Variants in CYYR1 observed in about 807,000 individuals in gnomAD.
CYYR1 encodes the protein cysteine and tyrosine-rich protein 1.
In CYYR1, 14 loss-of-function variants were observed where a neutral mutation model predicts 15.2. The ratio of observed to expected loss-of-function variants is 0.92; its 90% CI spans 0.61 to 1.44. CYYR1 has a LOEUF of 1.44. Among genes scored for constraint, CYYR1 ranks in the 40% most tolerant of loss-of-function variants. CYYR1 has a pLI of 0.00. For missense variants in CYYR1, 228 were observed against 209.5 expected, an observed-to-expected ratio of 1.09 and a Z score of -0.54; for synonymous variants, 80 against 77.4, an observed-to-expected ratio of 1.03 and a Z score of -0.18.
chr21:26,472,597 G>T (rs2065049657), intron 3 of CYYR1, among the ~76,000 whole-genome samples: 1 of 151,962 alleles, frequency 6.6e-6, no homozygotes, highest in South Asian at 2.1e-4. Flanking sequence ...CATATTGAGT[G>T]AATTTTTTGT....
At chr21:26,477,625 G>T in intron 3 of CYYR1, 1 of 624,116 alleles carries the variant, frequency 1.6e-6, no homozygotes, top group Non-Finnish European at 2.0e-6. Context: ...CTTACAGAAG[G>T]ATAAAATAAA....
Position 26,480,415 on chromosome 21 carries a change from G to A in CYYR1, c.191C>T (p.Ala64Val), listed in dbSNP as rs150622120. The change falls in exon 3 of 4, where the codon GCG becomes GTG. Residue 64 changes from alanine (A) to valine (V), a missense_variant. Coordinates refer to ENST00000652641, the MANE Select transcript of CYYR1 (RefSeq NM_001320768.2). The part of the protein sequence containing the change: ...IGNILSGTAI[A>V]GIVFGIVFIM... ...AAATACTATTCCAAAAACAATGCCCGCAATTGCAGTGCCCCTAAAAGGAAA... is the reference window on the plus strand; with the variant it reads ...AAATACTATTCCAAAAACAATGCCCACAATTGCAGTGCCCCTAAAAGGAAA... 1.4e-4 allele frequency: 224 copies of A among 1,610,482 alleles called. No homozygotes were observed. The highest frequency in any genetic ancestry group is 1.8e-4 in the Non-Finnish European group (216 of 1,178,698).
intron 2 of CYYR1, among the ~76,000 whole-genome samples, chr21:26,483,171 A>T (rs1246773767): frequency 6.6e-6 from 1 of 151,684 alleles, no homozygotes; most frequent in African/African-American, 2.4e-5. Context: ...CTTATTTTTA[A>T]TTTTCTGGTG....
intron 3 of CYYR1, among the ~76,000 whole-genome samples, chr21:26,468,958 T>C (rs2065001382): frequency 6.6e-6 from 1 of 151,730 alleles, no homozygotes; most frequent in South Asian, 2.1e-4. Flanking sequence ...CAAAAGTACA[T>C]GAAAGGGAGA....
At chr21:26,499,973 C>T (rs1222332482) in intron 2 of CYYR1, among the ~76,000 whole-genome samples, 1 of 151,938 alleles carries the variant, frequency 6.6e-6, no homozygotes, top group Non-Finnish European at 1.5e-5. Context: ...ACAAATACCA[C>T]AGGCTAGGTG....
rs71183563 is a variant in CYYR1 at position 26,567,008 on chromosome 21, C to CA, written c.74-641dup. ...TGGGCGACACAGTGAGGCTCTGTCT[C>CA]AAAAAAAAAAAAAAAAAAAAGAGTC... is the stretch of plus-strand genomic sequence containing the variant. On this transcript the variant is annotated intron_variant, in intron 1 of 3. Coordinates refer to ENST00000652641, the MANE Select transcript of CYYR1 (RefSeq NM_001320768.2). Among the ~76,000 whole-genome samples the CA allele has an allele frequency of 1.1e-3, 139 of 129,740 alleles. 1 individual carries two copies. The highest frequency in any genetic ancestry group is 6.1e-4 in the Admixed American group (8 of 13,062). The allele number at this position is 129,740 out of a possible 152,430, so 85.1% of individuals were successfully genotyped here.
In CYYR1 at chr21:26,572,944, A is replaced by G. The variant is rs1441590713; in HGVS notation, c.-4T>C. Reference sequence around the variant, plus strand: ...CGGGTAGCCTCGGAGCGTCCATCCAAGCCGGTGGCCTGAGGCTTGGAGCGA... The same window carrying G: ...CGGGTAGCCTCGGAGCGTCCATCCAGGCCGGTGGCCTGAGGCTTGGAGCGA... On this transcript the variant is annotated 5_prime_UTR_variant, in exon 1 of 4. Coordinates refer to ENST00000652641, the MANE Select transcript of CYYR1 (RefSeq NM_001320768.2). 2 of 1,613,666 alleles carry G rather than the reference A, an allele frequency of 1.2e-6. No individual in the cohort carries two copies. Among genetic ancestry groups the G allele is most frequent in the African/African-American group, 2.7e-5 (2 of 74,832 alleles).
intron 2 of CYYR1, among the ~76,000 whole-genome samples, chr21:26,523,657 T>C (rs1482102759): frequency 6.6e-6 from 1 of 152,196 alleles, no homozygotes; most frequent in Non-Finnish European, 1.5e-5. Flanking sequence ...TTTCCTGTCC[T>C]AAATCTTTGG....
intron 2 of CYYR1, among the ~76,000 whole-genome samples, chr21:26,485,031 A>G (rs1484579244): frequency 6.6e-6 from 1 of 152,112 alleles, no homozygotes; most frequent in Non-Finnish European, 1.5e-5. Flanking sequence ...ACAAATAGTA[A>G]CTTTCCTGCA....
At chr21:26,511,330 C>G (rs945547689) in intron 2 of CYYR1, among the ~76,000 whole-genome samples, 10 of 152,258 alleles carry the variant, frequency 6.6e-5, no homozygotes, top group African/African-American at 2.4e-4. Flanking sequence ...CCAGTTAGTA[C>G]TTGGGTAACC....
At chr21:26,470,394 T>C (rs2065019569) in intron 3 of CYYR1, among the ~76,000 whole-genome samples, 1 of 152,166 alleles carries the variant, frequency 6.6e-6, no homozygotes, top group African/African-American at 2.4e-5. Flanking sequence ...CCAAATGTCA[T>C]GCCATTTTGT....
intron 2 of CYYR1, among the ~76,000 whole-genome samples, chr21:26,480,800 T>C (rs1340978528): frequency 6.6e-6 from 1 of 152,164 alleles, no homozygotes; most frequent in Non-Finnish European, 1.5e-5. Context: ...AGAATTTATC[T>C]GTTGGGCATA....
chr21:26,473,813 T>G (rs1200612464), intron 3 of CYYR1, among the ~76,000 whole-genome samples: 2 of 152,050 alleles, frequency 1.3e-5, no homozygotes, highest in African/African-American at 4.8e-5. Context: ...CACATCACCT[T>G]TTTACTCTAA....
rs761471759 is a variant in CYYR1, at chr21:26,564,878, T to C, written c.176+1388A>G. 4.9e-4 allele frequency: 536 copies of C among 1,089,164 alleles called. 1 individual carries two copies. The highest frequency in any genetic ancestry group is 4.7e-4 in the Admixed American group (18 of 38,668). The allele number at this position is 1,089,164 out of a possible 1,614,324, so 67.5% of individuals were successfully genotyped here. A position where few individuals can be genotyped will look rare whatever the true frequency, so the allele number is the denominator to read the frequency against. On this transcript the variant is annotated intron_variant, in intron 2 of 3. Transcript: ENST00000652641. Reference sequence around the variant, plus strand: ...AAAAAATTTAAATTTATTAATAATATATTTTGTTACTTTAAATACTGCGAA... The same window carrying C: ...AAAAAATTTAAATTTATTAATAATACATTTTGTTACTTTAAATACTGCGAA...
At chr21:26,505,209 A>G (rs1227664687) in intron 2 of CYYR1, among the ~76,000 whole-genome samples, 1 of 152,228 alleles carries the variant, frequency 6.6e-6, no homozygotes, top group Non-Finnish European at 1.5e-5. Context: ...GCTGTTAATT[A>G]CACTTTGTTT....
At chr21:26,513,164 T>C (rs930029679) in intron 2 of CYYR1, among the ~76,000 whole-genome samples, 1 of 152,362 alleles carries the variant, frequency 6.6e-6, no homozygotes, top group East Asian at 1.9e-4. Flanking sequence ...AACAATGTGA[T>C]TGAAATCTTG....
Position 26,566,781 on chromosome 21 carries a change from G to A in CYYR1, c.74-413C>T, listed in dbSNP as rs145221587. Among the ~76,000 whole-genome samples the A allele has an allele frequency of 4.2e-3, 645 of 152,188 alleles. 6 individuals are homozygous for A. Among genetic ancestry groups the A allele is most frequent in the African/African-American group, 0.014 (580 of 41,528 alleles). On this transcript the variant is annotated intron_variant, in intron 1 of 3. Transcript: ENST00000652641. ...TCCCAGCACTTTGGGAGGCTGAGGC[G>A]GGTGATCACTTGAGGTCAGGAGTCT... is the stretch of plus-strand genomic sequence containing the variant.
intron 1 of CYYR1, among the ~76,000 whole-genome samples, chr21:26,567,600 A>C: frequency 6.6e-6 from 1 of 152,154 alleles, no homozygotes; most frequent in Non-Finnish European, 1.5e-5. Context: ...CATTAAGTAC[A>C]GTCTGATAAT....
At chr21:26,503,899 TATTA>T (rs1409062974) in intron 2 of CYYR1, among the ~76,000 whole-genome samples, 4 of 152,312 alleles carry the variant, frequency 2.6e-5, no homozygotes, top group African/African-American at 9.6e-5. Flanking sequence ...CGAGTCCTCC[TATTA>T]ATTATTTATT....
Sources: gnomAD v4.1 joint callset for allele counts (sites outside exome capture counted in the v4.1 genomes callset) on GRCh38, gnomAD v4.1.1 for gene constraint, MANE v1.5 for transcripts, NCBI Gene and HGNC (gene_info 2026-07-23, HGNC 2026-07-21) for gene names.